DYRK1A: variants seen among roughly 807,000 people sequenced by gnomAD.
The protein encoded by DYRK1A is dual specificity tyrosine phosphorylation regulated kinase 1A.
DYRK1A carries 9 observed loss-of-function variants against 79.7 expected under a neutral mutation model. The ratio of observed to expected loss-of-function variants is 0.11; its 90% CI spans 0.07 to 0.20. The LOEUF is 0.20. Among genes scored for constraint, DYRK1A ranks in the 10% least tolerant of loss-of-function variants. DYRK1A has a pLI of 1.00. For synonymous variants in DYRK1A, 349 were observed against 329.7 expected (o/e 1.06, Z -0.63); for missense variants, 622 against 956.0 (o/e 0.65, Z 4.61).
intron 2 of DYRK1A, among the ~76,000 whole-genome samples, chr21:37,455,048 G>A (rs2051591363): frequency 7.7e-6 from 1 of 130,032 alleles, no homozygotes; most frequent in South Asian, 2.4e-4. Context: ...TCGTGCCCCA[G>A]CATACTTGAG....
intron 2 of DYRK1A, among the ~76,000 whole-genome samples, chr21:37,455,544 G>T (rs897672819): frequency 1.3e-5 from 2 of 152,082 alleles, no homozygotes; most frequent in Non-Finnish European, 1.5e-5. Flanking sequence ...CTTGAATCCA[G>T]CTGTCTCTTA....
intron 5 of DYRK1A, among the ~76,000 whole-genome samples, chr21:37,483,479 T>C (rs1406975236): frequency 6.6e-6 from 1 of 152,270 alleles, no homozygotes; most frequent in Admixed American, 6.5e-5. Context: ...GAAAGAATTT[T>C]GGTAATTACA....
rs1331389294 is a variant in DYRK1A, at chr21:37,520,112, C to T, written c.*7581C>T. On this transcript the variant is annotated 3_prime_UTR_variant, in exon 12 of 12. Transcript: ENST00000647188. ...TAAGGATGGGTTTTCAGTAGAATTT[C>T]TCTGTACAACCTCAGGGAGACTGCC... 1 of 152,118 alleles carries T rather than the reference C, an allele frequency of 6.6e-6. No individual in the cohort carries two copies. The highest frequency in any genetic ancestry group is 2.4e-5 in the African/African-American group (1 of 41,384). 9.4% of individuals were successfully genotyped at this position (152,118 alleles called of 1,614,324 possible).
intron 2 of DYRK1A, among the ~76,000 whole-genome samples, chr21:37,467,014 G>C (rs2052048206): frequency 6.6e-6 from 1 of 150,530 alleles, no homozygotes; most frequent in Non-Finnish European, 1.5e-5. Context: ...AACAGACACA[G>C]CAGAAAATAG....
At chr21:37,486,989 G>A (rs528537209) in intron 6 of DYRK1A, 45 of 155,242 alleles carry the variant, frequency 2.9e-4, no homozygotes, top group Non-Finnish European at 5.6e-4. Flanking sequence ...TATGTTCTTA[G>A]TGGTTGTGGA....
At chr21:37,414,538 C>T (rs568707671) in intron 1 of DYRK1A, among the ~76,000 whole-genome samples, 9 of 152,102 alleles carry the variant, frequency 5.9e-5, no homozygotes, top group South Asian at 2.1e-4. Context: ...CTGGGACTTT[C>T]GAGCTCAGTT....
At chr21:37,457,397 TTGTG>T (rs908761225) in intron 2 of DYRK1A, among the ~76,000 whole-genome samples, 1 of 151,106 alleles carries the variant, frequency 6.6e-6, no homozygotes, top group Non-Finnish European at 1.5e-5. Context: ...GATCGCCTAA[TTGTG>T]TGTGTGTGTG....
intron 2 of DYRK1A, among the ~76,000 whole-genome samples, chr21:37,469,787 C>G (rs147806856): frequency 6.6e-6 from 1 of 152,164 alleles, no homozygotes. Context: ...AACCTCCTAC[C>G]GGGGCCCTCC....
rs961574903 is a variant in DYRK1A, at chr21:37,512,295, G to A, written c.2029G>A (p.Ala677Thr). 6.2e-7 allele frequency: 1 copy of A among 1,614,094 alleles called. No individual in the cohort carries two copies. Among genetic ancestry groups the A allele is most frequent in the African/African-American group, 1.3e-5 (1 of 74,924 alleles). Residue 677 changes from alanine to threonine, a missense_variant, in exon 12 of 12, where the codon GCT becomes ACT. By Grantham distance (58) the Ala-to-Thr change is moderately conservative (BLOSUM62 0). This residue lies in a region of DYRK1A where 292 missense variants were observed against 316.7 expected (regional missense o/e 0.92). Transcript: ENST00000647188. ...GNQAYQNRPV[A>T]ANTLDFGQNG... is the part of the protein sequence containing the mutation. ...TCAGGCCTACCAGAATCGCCCAGTG[G>A]CTGCTAATACCTTGGACTTTGGACA...
intron 1 of DYRK1A, among the ~76,000 whole-genome samples, chr21:37,378,119 T>G (rs1170223870): frequency 1.3e-5 from 2 of 152,244 alleles, no homozygotes; most frequent in African/African-American, 4.8e-5. Context: ...TGATGTCTAG[T>G]TGTTTGGATT....
intron 1 of DYRK1A, among the ~76,000 whole-genome samples, chr21:37,411,057 A>C (rs1483887624): frequency 4.3e-5 from 6 of 140,746 alleles, no homozygotes; most frequent in African/African-American, 1.4e-4. Context: ...TTTAAAAAAA[A>C]AAAAAAAAAA....
In DYRK1A at chr21:37,518,775, C is replaced by T. The variant is rs1415167029; in HGVS notation, c.*6244C>T. ...GGATTACAGGTGCACACCACCACAC[C>T]CAGCTAATAGTATTTTTGATAGAGA... is the stretch of plus-strand genomic sequence containing the variant. On this transcript the variant is annotated 3_prime_UTR_variant, in exon 12 of 12. Transcript: ENST00000647188. The T allele has an allele frequency of 6.6e-6, 1 of 151,616 alleles. No individual in the cohort carries two copies. The highest frequency in any genetic ancestry group is 1.5e-5 in the Non-Finnish European group (1 of 67,874). The allele number at this position is 151,616 out of a possible 1,614,324, so 9.4% of individuals were successfully genotyped here.
At chr21:37,477,918 A>G (rs2052457657) in intron 3 of DYRK1A, among the ~76,000 whole-genome samples, 1 of 152,190 alleles carries the variant, frequency 6.6e-6, no homozygotes, top group Non-Finnish European at 1.5e-5. Context: ...TGTGTCTCCT[A>G]GATTGGCGTA....
chr21:37,454,001 T>C (rs1189521447), intron 2 of DYRK1A, among the ~76,000 whole-genome samples: 3 of 151,534 alleles, frequency 2.0e-5, no homozygotes, highest in Non-Finnish European at 4.4e-5. Context: ...AATAAGGTTA[T>C]TTTCCCCACT....
At position 37,472,692 on chromosome 21, in the gene DYRK1A, A is replaced by G. The variant is rs2052265794; in HGVS notation, c.19A>G (p.Thr7Ala). 6.3e-7 allele frequency: 1 copy of G among 1,584,434 alleles called. No individual in the cohort carries two copies. The highest frequency in any genetic ancestry group is 1.3e-5 in the African/African-American group (1 of 74,272). Residue 7 changes from threonine (T) to alanine (A), a missense_variant, in exon 3 of 12, where the codon ACT becomes GCT. By Grantham distance (58) the Thr-to-Ala change is moderately conservative. Coordinates refer to ENST00000647188, the MANE Select transcript of DYRK1A (RefSeq NM_001347721.2). ...CACTTATCTTCTTGTAGGAGGAGAG[A>G]CTTCAGCATGCAAACCTTCATCTGT... MHTGGE[T>A]SACKPSSVRL...
Position 37,447,987 on chromosome 21 carries a change from C to G in DYRK1A, c.11-24697C>G, listed in dbSNP as rs190856876. ...GTTGCCGCTGTCCCCTCAATTCCCA[C>G]TCTTCAAGGTGTTAAGAGCTGTTAA... is the stretch of plus-strand genomic sequence containing the variant. On this transcript the variant is annotated intron_variant, in intron 2 of 11. Coordinates refer to ENST00000647188, the MANE Select transcript of DYRK1A (RefSeq NM_001347721.2). 7.9e-5 allele frequency among the ~76,000 whole-genome samples: 12 copies of G among 152,354 alleles called. No homozygotes were observed. The East Asian group carries it at 2.1e-3, about 27-fold the overall frequency.
At chr21:37,473,345 A>T (rs1043476245) in intron 3 of DYRK1A, among the ~76,000 whole-genome samples, 11 of 152,228 alleles carry the variant, frequency 7.2e-5, no homozygotes, top group Non-Finnish European at 1.5e-4. Context: ...CGTGCTATTT[A>T]TTCTAATATT....
chr21:37,488,424 A>G, intron 6 of DYRK1A: 1 of 701,344 alleles, frequency 1.4e-6, no homozygotes, highest in South Asian at 6.5e-5. Context: ...ATTTATTCTG[A>G]TGAGTTTTAT....
chr21:37,371,982 T>C (rs1223232518), intron 1 of DYRK1A, among the ~76,000 whole-genome samples: 2 of 152,208 alleles, frequency 1.3e-5, no homozygotes, highest in African/African-American at 4.8e-5. Flanking sequence ...TATCATTATC[T>C]ATATTATTTG....
Sources: allele counts gnomAD v4.1 joint callset (sites outside exome capture counted in the v4.1 genomes callset), GRCh38; gene constraint gnomAD v4.1.1; regional missense constraint gnomAD v4.1.1; transcripts MANE v1.5; gene names NCBI Gene and HGNC (gene_info 2026-07-23, HGNC 2026-07-21).